CADM3: variants seen among roughly 807,000 people sequenced by gnomAD.
CADM3 encodes the protein cell adhesion molecule 3.
CADM3 carries 11 observed loss-of-function variants against 44.9 expected under a neutral mutation model. That is an observed-to-expected ratio of 0.25 (90% CI 0.15 to 0.41). CADM3 has a LOEUF of 0.41. Ranked by LOEUF, CADM3 falls within the 10% of genes least tolerant of loss-of-function variation. The pLI is 1.00. For missense variants in CADM3, 426 were observed against 512.0 expected (o/e 0.83, Z 1.62); for synonymous variants, 207 against 205.2 (o/e 1.01, Z -0.08).
intron 1 of CADM3, among the ~76,000 whole-genome samples, chr1:159,184,875 A>G (rs767592573): frequency 1.3e-5 from 2 of 152,216 alleles, no homozygotes; most frequent in Admixed American, 6.5e-5. Context: ...TAATTCTCCA[A>G]TTCCCACCTC....
At chr1:159,200,548 ACACACACTTCT>A (rs1415444295) in intron 8 of CADM3, among the ~76,000 whole-genome samples, 4 of 110,844 alleles carry the variant, frequency 3.6e-5, no homozygotes, top group Non-Finnish European at 6.2e-5. Context: ...ACACACACAC[ACACACACTTCT>A]CTTTCTTGCT....
Position 159,196,896 on chromosome 1 carries a change from A to T in CADM3, c.788A>T (p.Gln263Leu). The change falls in exon 7 of 9, where the codon CAG becomes CTG. Residue 263 changes from glutamine (Q) to leucine (L), a missense_variant. Physicochemically the swap from Gln to Leu is moderately radical, Grantham distance 113. Coordinates refer to ENST00000368125, the MANE Select transcript of CADM3 (RefSeq NM_001127173.3). The stretch of plus-strand genomic sequence containing the variant: ...TGATTTGTCTGCCTCGACAGCCCCC[A>T]GCAGTACCTATGGGAGAAGGAGGGC... ...HCEGRGNPVP[Q>L]QYLWEKEGSV... 6.2e-7 allele frequency: 1 copy of T among 1,613,436 alleles called. No individual in the cohort carries two copies. Among genetic ancestry groups the T allele is most frequent in the South Asian group, 1.1e-5 (1 of 91,052 alleles).
At chr1:159,193,721 A>G (rs764545075) in intron 4 of CADM3, 149 bp from the exon 5 acceptor site, 5 of 1,416,074 alleles carry the variant, frequency 3.5e-6, no homozygotes, top group Non-Finnish European at 4.9e-6. Context: ...TGGGGCCTAC[A>G]TTCTCCCTGC....
chr1:159,186,086 A>C (rs1649407395), intron 1 of CADM3, among the ~76,000 whole-genome samples: 2 of 152,338 alleles, frequency 1.3e-5, no homozygotes, highest in Admixed American at 1.3e-4. Context: ...AAGTTTAGAC[A>C]TGTGAAGATG....
intron 1 of CADM3, among the ~76,000 whole-genome samples, chr1:159,176,762 A>G (rs1444051965): frequency 6.6e-6 from 1 of 152,210 alleles, no homozygotes. Context: ...TTTTTACACA[A>G]TAGAAGCTAA....
intron 1 of CADM3, among the ~76,000 whole-genome samples, chr1:159,173,337 G>A (rs966000095): frequency 5.3e-5 from 8 of 152,022 alleles, no homozygotes; most frequent in Non-Finnish European, 1.0e-4. Context: ...GCTCCACCTC[G>A]CCTGACCTCC....
intron 2 of CADM3, 67 bp downstream of exon 2, chr1:159,192,143 A>AG: frequency 1.3e-6 from 2 of 1,533,686 alleles, no homozygotes; most frequent in Non-Finnish European, 8.9e-7. Context: ...GCAGACACCG[A>AG]GGGGAACTGT....
At position 159,202,634 on chromosome 1, in the gene CADM3, C is replaced by T. The variant is rs1004391329; in HGVS notation, c.*1712C>T. Reference sequence around the variant, plus strand: ...TCCCTGTCCTGGCTGGACTGCCCCGCCTCAGATCCAGGATGCCCTTGGCAT... The same window carrying T: ...TCCCTGTCCTGGCTGGACTGCCCCGTCTCAGATCCAGGATGCCCTTGGCAT... On this transcript the variant is annotated 3_prime_UTR_variant, in exon 9 of 9. Transcript: ENST00000368125. The T allele has an allele frequency of 6.6e-6, 1 of 152,258 alleles. No individual in the cohort carries two copies. The highest frequency in any genetic ancestry group is 1.5e-5 in the Non-Finnish European group (1 of 68,094). The allele number at this position is 152,258 out of a possible 1,614,324, so 9.4% of individuals were successfully genotyped here.
At chr1:159,187,705 C>T (rs1649473307) in intron 1 of CADM3, among the ~76,000 whole-genome samples, 1 of 152,186 alleles carries the variant, frequency 6.6e-6, no homozygotes. Context: ...CCCTGTCCCT[C>T]TGCCGTCCCA....
intron 7 of CADM3, 82 bp from the exon 8 acceptor site, chr1:159,199,669 A>C (rs1471606218): frequency 1.2e-5 from 19 of 1,590,034 alleles, no homozygotes; most frequent in Non-Finnish European, 1.6e-5. Flanking sequence ...CCTGCTGTGT[A>C]AGACTATTCA....
At chr1:159,178,121 G>A (rs143534715) in intron 1 of CADM3, among the ~76,000 whole-genome samples, 222 of 152,256 alleles carry the variant, frequency 1.5e-3, no homozygotes, top group Non-Finnish European at 2.4e-3. Flanking sequence ...TTGTTTTACT[G>A]TATTGTTTAG....
At chr1:159,192,809 T>C (rs1649729656) in intron 3 of CADM3, 79 bp downstream of exon 3, 30 of 1,446,264 alleles carry the variant, frequency 2.1e-5, no homozygotes, top group Non-Finnish European at 2.8e-5. Context: ...CTGAAGCAGC[T>C]GGGAGCCAGG....
chr1:159,189,867 G>C, intron 1 of CADM3: 1 of 1,597,878 alleles, frequency 6.3e-7, no homozygotes, highest in Non-Finnish European at 8.5e-7. Context: ...ATGCTGGCCA[G>C]TCAAGGTGAG....
At chr1:159,196,789 A>C in intron 6 of CADM3, 102 bp from the exon 7 acceptor site, 1 of 1,206,606 alleles carries the variant, frequency 8.3e-7, no homozygotes, top group East Asian at 2.4e-5. Flanking sequence ...CTCCAGCCTC[A>C]TCAAACAGTC....
In CADM3 at chr1:159,199,881, G is replaced by C; in HGVS notation, c.1078+5G>C. The C allele has an allele frequency of 6.2e-7, 1 of 1,613,518 alleles. No individual in the cohort carries two copies. The highest frequency in any genetic ancestry group is 8.5e-7 in the Non-Finnish European group (1 of 1,179,762). Reference sequence around the variant, plus strand: ...ACTACTTGATCCGGCACAAAGGTCAGAGGCACAAAGAGAGCATCAGCAGAA... The same window carrying C: ...ACTACTTGATCCGGCACAAAGGTCACAGGCACAAAGAGAGCATCAGCAGAA... On this transcript the variant is annotated splice_donor_5th_base_variant and intron_variant, in intron 8 of 8. Coordinates refer to ENST00000368125, the MANE Select transcript of CADM3 (RefSeq NM_001127173.3).
chr1:159,195,017 A>G (rs1025661672), intron 5 of CADM3: 1 of 152,252 alleles, frequency 6.6e-6, no homozygotes, highest in Non-Finnish European at 1.5e-5. Flanking sequence ...CAAAATAACC[A>G]AAGCCCTTCA....
intron 1 of CADM3, among the ~76,000 whole-genome samples, chr1:159,173,713 C>T (rs942725904): frequency 2.6e-5 from 4 of 152,076 alleles, no homozygotes; most frequent in African/African-American, 7.2e-5. Context: ...AGTTTTATGA[C>T]GAGAGGCAAA....
At chr1:159,187,042 C>A (rs1283998576) in intron 1 of CADM3, among the ~76,000 whole-genome samples, 1 of 152,054 alleles carries the variant, frequency 6.6e-6, no homozygotes, top group Non-Finnish European at 1.5e-5. Flanking sequence ...CTGTGAAATG[C>A]AGGAGGAGGG....
Position 159,199,777 on chromosome 1 carries a change from A to G in CADM3, c.979A>G (p.Ser327Gly). 6.2e-7 allele frequency: 1 copy of G among 1,614,024 alleles called. No homozygotes were observed. Among genetic ancestry groups the G allele is most frequent in the Non-Finnish European group, 8.5e-7 (1 of 1,180,004 alleles). Residue 327 changes from serine (S) to glycine (G), a missense_variant, in exon 8 of 9, where the codon AGC becomes GGC. Transcript: ENST00000368125. ...NDPSPVPSSSSTYHAIIGGIV... is the reference protein window; with the variant it reads ...NDPSPVPSSSGTYHAIIGGIV... ...CCCCAGTCCGGTGCCCTCCTCCTCCAGCACCTACCACGCCATCATCGGTGG... is the reference window on the plus strand; with the variant it reads ...CCCCAGTCCGGTGCCCTCCTCCTCCGGCACCTACCACGCCATCATCGGTGG...
Sources: gnomAD v4.1 joint callset for allele counts (sites outside exome capture counted in the v4.1 genomes callset) on GRCh38, gnomAD v4.1.1 for gene constraint, MANE v1.5 for transcripts, NCBI Gene and HGNC (gene_info 2026-07-23, HGNC 2026-07-21) for gene names.